DNM3: variants seen among roughly 807,000 people sequenced by gnomAD.
DNM3 encodes dynamin-3.
DNM3 carries 47 observed loss-of-function variants against 101.6 expected under a neutral mutation model. The observed-to-expected ratio is 0.46, with a 90% CI of 0.37 to 0.59. The LOEUF is 0.59. Ranked by LOEUF, DNM3 falls within the 20% of genes least tolerant of loss-of-function variation. The pLI, the probability that DNM3 is intolerant of heterozygous loss-of-function variation, is 0.00. For missense variants in DNM3, 849 were observed against 1,085.7 expected, an observed-to-expected ratio of 0.78 and a Z score of 3.06; for synonymous variants, 385 against 387.9, an observed-to-expected ratio of 0.99 and a Z score of 0.09.
intron 12 of DNM3, among the ~76,000 whole-genome samples, chr1:172,088,059 T>C (rs2053653390): frequency 6.6e-6 from 1 of 152,234 alleles, no homozygotes; most frequent in African/African-American, 2.4e-5. Flanking sequence ...TAAATAACCC[T>C]GGCATCAAAA....
At chr1:172,193,993 C>T (rs1206524086) in intron 14 of DNM3, among the ~76,000 whole-genome samples, 2 of 152,094 alleles carry the variant, frequency 1.3e-5, no homozygotes, top group Non-Finnish European at 2.9e-5. Context: ...CTCTTGTGGG[C>T]ATTTAGTGCT....
chr1:172,248,518 A>T (rs2062043821), intron 14 of DNM3, among the ~76,000 whole-genome samples: 1 of 152,166 alleles, frequency 6.6e-6, no homozygotes, highest in African/African-American at 2.4e-5. Context: ...TATGACAAAA[A>T]TTGTGGAAAA....
At chr1:172,407,204 A>AT (rs1214075038) in intron 20 of DNM3, among the ~76,000 whole-genome samples, 9 of 69,328 alleles carry the variant, frequency 1.3e-4, no homozygotes, top group Non-Finnish European at 4.2e-4. Flanking sequence ...AGCTCCTGCA[A>AT]TTTAAACAGG....
chr1:172,302,343 T>C (rs954590632), intron 15 of DNM3, among the ~76,000 whole-genome samples: 2 of 152,106 alleles, frequency 1.3e-5, no homozygotes, highest in East Asian at 3.9e-4. Context: ...TGCTGAAACT[T>C]GAGTAGGTAA....
chr1:171,984,336 TG>T (rs1195779594), intron 2 of DNM3, among the ~76,000 whole-genome samples: 2 of 152,136 alleles, frequency 1.3e-5, no homozygotes, highest in African/African-American at 4.8e-5. Flanking sequence ...GTCCTTAAAA[TG>T]GTCCACGGGC....
intron 20 of DNM3, among the ~76,000 whole-genome samples, chr1:172,404,171 G>A (rs1558098145): frequency 1.3e-5 from 2 of 152,024 alleles, no homozygotes; most frequent in South Asian, 4.2e-4. Context: ...TCCTTTAACT[G>A]CAACTAGGCA....
At chr1:172,136,852 T>A (rs2057259671) in intron 14 of DNM3, 1 of 152,126 alleles carries the variant, frequency 6.6e-6, no homozygotes, top group Non-Finnish European at 1.5e-5. Context: ...AAGAGAAAAA[T>A]TTTTAAATGT....
At chr1:172,336,089 A>G (rs555511367) in intron 17 of DNM3, among the ~76,000 whole-genome samples, 12 of 152,298 alleles carry the variant, frequency 7.9e-5, no homozygotes, top group Admixed American at 2.0e-4. Flanking sequence ...GGGTGCTACT[A>G]TCTAGTGGGT....
chr1:172,304,222 A>AAAAAAAAAAAAAAAAAAAAAAAAAC (rs745651671), intron 15 of DNM3, among the ~76,000 whole-genome samples: 2 of 129,004 alleles, frequency 1.6e-5, no homozygotes, highest in South Asian at 2.6e-4. Context: ...AAAAAAAAAA[A>AAAAAAAAAAAAAAAAAAAAAAAAAC]CAGGAGTTGC....
At chr1:172,236,016 T>C (rs1226499317) in intron 14 of DNM3, among the ~76,000 whole-genome samples, 1 of 152,102 alleles carries the variant, frequency 6.6e-6, no homozygotes, top group Non-Finnish European at 1.5e-5. Flanking sequence ...TAAAAAACAT[T>C]GTTAGCTATT....
intron 15 of DNM3, among the ~76,000 whole-genome samples, chr1:172,285,293 G>A (rs948452244): frequency 1.3e-5 from 2 of 152,194 alleles, no homozygotes; most frequent in African/African-American, 4.8e-5. Flanking sequence ...AAGCCTCATG[G>A]AGACCAGGTT....
intron 4 of DNM3, among the ~76,000 whole-genome samples, chr1:172,005,050 C>T (rs1441660457): frequency 6.6e-6 from 1 of 152,052 alleles, no homozygotes; most frequent in Non-Finnish European, 1.5e-5. Flanking sequence ...TAAAACAGTA[C>T]AGCCCCCAGT....
At chr1:172,190,510 T>A (rs1279576296) in intron 14 of DNM3, among the ~76,000 whole-genome samples, 1 of 152,182 alleles carries the variant, frequency 6.6e-6, no homozygotes, top group Non-Finnish European at 1.5e-5. Flanking sequence ...TGATTTATAA[T>A]CTTTTGGGTA....
intron 4 of DNM3, among the ~76,000 whole-genome samples, chr1:172,016,944 CA>C (rs2125730429): frequency 6.6e-6 from 1 of 152,254 alleles, no homozygotes; most frequent in South Asian, 2.1e-4. Context: ...ATTGCAGCCT[CA>C]AACTCCTGGG....
In DNM3 at chr1:172,387,194, C is replaced by T. The variant is rs775026845; in HGVS notation, c.2120C>T (p.Thr707Ile). The change falls in exon 19 of 21, where the codon ACC becomes ATC. Residue 707 changes from threonine to isoleucine, a missense_variant. Thr to Ile is a moderately conservative substitution (Grantham distance 89). This residue lies in a region of DNM3 where 256 missense variants were observed against 311.7 expected (regional missense o/e 0.82). Transcript: ENST00000627582. The stretch of plus-strand genomic sequence containing the variant: ...TTGTATTCTTCAGAGGACCAAAATA[C>T]CCTGATGGAGGAATCTGCTGAGCAG... The part of the protein sequence containing the change: ...AQLYSSEDQN[T>I]LMEESAEQAQ... The T allele has an allele frequency of 6.8e-6, 11 of 1,613,836 alleles. No individual in the cohort carries two copies. The highest frequency in any genetic ancestry group is 2.7e-5 in the African/African-American group (2 of 74,910).
chr1:172,300,387 C>T (rs7541368), intron 15 of DNM3, among the ~76,000 whole-genome samples: 2,651 of 152,042 alleles, frequency 0.017, 74 homozygotes, highest in African/African-American at 0.06. Flanking sequence ...GGAGATCTTT[C>T]GTTTAATTAG....
At position 171,850,239 on chromosome 1, in the gene DNM3, C is replaced by CT. The variant is rs199998739; in HGVS notation, c.161+8428dup. ...GATGTTGAAATAATACCAAATCACT[C>CT]TTTTTTCCAGTGGAAAGATTCATAT... On this transcript the variant is annotated intron_variant, in intron 1 of 20. Transcript: ENST00000627582. Among the ~76,000 whole-genome samples the CT allele has an allele frequency of 3.8e-3, 577 of 152,244 alleles. 15 individuals carry two copies. Among genetic ancestry groups the CT allele is most frequent in the Admixed American group, 0.033 (507 of 15,292 alleles).
chr1:171,997,590 A>T (rs1023501809), intron 4 of DNM3, among the ~76,000 whole-genome samples: 10 of 152,164 alleles, frequency 6.6e-5, no homozygotes, highest in African/African-American at 2.4e-4. Context: ...GACAGGAACC[A>T]TTCAGCTATT....
intron 14 of DNM3, among the ~76,000 whole-genome samples, chr1:172,192,200 G>A (rs573282149): frequency 1.2e-4 from 18 of 152,038 alleles, no homozygotes; most frequent in South Asian, 4.2e-4. Context: ...AGTTTTTAGC[G>A]TGAAGGGCTG....
Sources: gnomAD v4.1 joint callset for allele counts (sites outside exome capture counted in the v4.1 genomes callset) on GRCh38, gnomAD v4.1.1 for gene constraint, gnomAD v4.1.1 regional missense constraint, MANE v1.5 for transcripts, NCBI Gene and HGNC (gene_info 2026-07-23, HGNC 2026-07-21) for gene names.